The following RNFT2 variants were observed in gnomAD, a reference collection of about 807,000 sequenced individuals.
RNFT2 encodes the protein ring finger protein, transmembrane 2.
In RNFT2, 36 loss-of-function variants were observed where a neutral mutation model predicts 53.0. That is an observed-to-expected ratio of 0.68 (90% CI 0.52 to 0.90). The LOEUF (loss-of-function observed/expected upper bound fraction) is 0.90. Ranked by LOEUF, RNFT2 falls within the 40% of genes least tolerant of loss-of-function variation. RNFT2 has a pLI of 0.00. For synonymous variants in RNFT2, 260 were observed against 253.2 expected (o/e 1.03, Z -0.26); for missense variants, 514 against 585.6 (o/e 0.88, Z 1.26).
chr12:116,781,813 AC>A (rs1240630893), intron 7 of RNFT2, among the ~76,000 whole-genome samples: 1 of 152,018 alleles, frequency 6.6e-6, no homozygotes, highest in African/African-American at 2.4e-5. Flanking sequence ...ACGGTGGCTC[AC>A]GCCTGTAATC....
chr12:116,820,789 C>T (rs1220448821), intron 7 of RNFT2, among the ~76,000 whole-genome samples: 3 of 152,178 alleles, frequency 2.0e-5, no homozygotes, highest in Admixed American at 1.3e-4. Context: ...GCCTCTCTCT[C>T]CTCACCAGTT....
chr12:116,759,546 G>A (rs1442216624), intron 5 of RNFT2, among the ~76,000 whole-genome samples: 1 of 152,176 alleles, frequency 6.6e-6, no homozygotes, highest in Admixed American at 6.5e-5. Flanking sequence ...TTTGTCCCAG[G>A]GGGTTTTCCC....
chr12:116,792,797 A>G (rs1054830414), intron 7 of RNFT2, among the ~76,000 whole-genome samples: 10 of 152,168 alleles, frequency 6.6e-5, no homozygotes, highest in Non-Finnish European at 1.2e-4. Flanking sequence ...CATTTGTCAG[A>G]GACCCCTAAT....
intron 3 of RNFT2, among the ~76,000 whole-genome samples, chr12:116,747,844 T>G (rs1592935249): frequency 6.6e-6 from 1 of 152,026 alleles, no homozygotes; most frequent in South Asian, 2.1e-4. Flanking sequence ...TCGGCTCCGC[T>G]TGCATCTGTG....
In RNFT2 at chr12:116,805,272, T is replaced by C. The variant is rs563105658; in HGVS notation, c.882+25924T>C. Among the ~76,000 whole-genome samples, 12 of 152,168 alleles carry C rather than the reference T, an allele frequency of 7.9e-5. No homozygotes were observed. In the South Asian group the frequency reaches 2.3e-3, roughly 29 times the overall value. Reference sequence around the variant, plus strand: ...AGGTAATAGCGGGCAGTTCTCTCTTTTTCCTAATCTTGATGGGAGTGCCTC... The same window carrying C: ...AGGTAATAGCGGGCAGTTCTCTCTTCTTCCTAATCTTGATGGGAGTGCCTC... On this transcript the variant is annotated intron_variant, in intron 7 of 10. Transcript: ENST00000257575.
intron 10 of RNFT2, among the ~76,000 whole-genome samples, chr12:116,838,528 T>A (rs1565874974): frequency 1.3e-5 from 2 of 152,248 alleles, no homozygotes; most frequent in Admixed American, 1.3e-4. Context: ...CACAGCCGCT[T>A]GCTTCTTCCC....
intron 4 of RNFT2, among the ~76,000 whole-genome samples, chr12:116,752,771 G>A (rs1412212425): frequency 2.0e-5 from 3 of 152,080 alleles, no homozygotes; most frequent in African/African-American, 4.8e-5. Flanking sequence ...CCAGCTACTC[G>A]GGAGGCTGAG....
At chr12:116,768,982 C>T (rs12313074) in intron 6 of RNFT2, among the ~76,000 whole-genome samples, 115,646 of 151,982 alleles carry the variant, frequency 0.76, 46,605 homozygotes, top group Non-Finnish European at 0.9. Flanking sequence ...CTACCTGCCT[C>T]AACCTCCCAA....
At chr12:116,843,334 A>T (rs879437995) in intron 10 of RNFT2, among the ~76,000 whole-genome samples, 1 of 151,722 alleles carries the variant, frequency 6.6e-6, no homozygotes, top group Admixed American at 6.6e-5. Context: ...CTCTACAAAA[A>T]ATACAAAAAT....
chr12:116,811,628 G>C (rs1875383087), intron 7 of RNFT2, among the ~76,000 whole-genome samples: 1 of 152,162 alleles, frequency 6.6e-6, no homozygotes, highest in African/African-American at 2.4e-5. Flanking sequence ...TGCCCGCCTT[G>C]GCCTCCCAAA....
intron 3 of RNFT2, among the ~76,000 whole-genome samples, chr12:116,745,623 C>T (rs1010879162): frequency 6.6e-6 from 1 of 152,174 alleles, no homozygotes; most frequent in Non-Finnish European, 1.5e-5. Flanking sequence ...ACCACCGTGT[C>T]CCACTGCTGT....
At chr12:116,746,330 C>T (rs945314386) in intron 3 of RNFT2, among the ~76,000 whole-genome samples, 2 of 152,084 alleles carry the variant, frequency 1.3e-5, no homozygotes, top group Non-Finnish European at 2.9e-5. Flanking sequence ...CCAGTGGGGT[C>T]GGGGCACCTG....
intron 6 of RNFT2, among the ~76,000 whole-genome samples, chr12:116,778,946 G>T (rs887862286): frequency 6.6e-6 from 1 of 152,192 alleles, no homozygotes; most frequent in Non-Finnish European, 1.5e-5. Flanking sequence ...CTAAAACAAG[G>T]ACCTTAATGA....
intron 8 of RNFT2, 139 bp from the exon 9 acceptor site, chr12:116,835,821 A>C: frequency 2.6e-6 from 2 of 774,686 alleles, no homozygotes; most frequent in Non-Finnish European, 4.4e-6. Flanking sequence ...GGAAGGAAGA[A>C]GTGCAAATGA....
chr12:116,750,017 T>C lies in RNFT2; in HGVS notation c.260T>C (p.Val87Ala). ...VLGSSAGGGD[V>A]FIQMPASREE... ...GGCTCCTCGGCTGGCGGCGGGGACG[T>C]GTTCATCCAGATGCCCGCGTCCAGG... is the stretch of plus-strand genomic sequence containing the variant. The change falls in exon 4 of 11, where the codon GTG becomes GCG. Residue 87 changes from valine (V) to alanine (A), a missense_variant. Physicochemically the swap from Val to Ala is moderately conservative, Grantham distance 64. Around this residue, in one of 3 missense-constraint regions of RNFT2, gnomAD observed 237 missense variants for 235.1 expected, o/e 1.01. Transcript: ENST00000257575. The C allele has an allele frequency of 6.4e-7, 1 of 1,554,086 alleles. No homozygotes were observed. Among genetic ancestry groups the C allele is most frequent in the Non-Finnish European group, 8.7e-7 (1 of 1,149,362 alleles).
chr12:116,787,764 G>A (rs1251640497), intron 7 of RNFT2, among the ~76,000 whole-genome samples: 1 of 151,606 alleles, frequency 6.6e-6, no homozygotes, highest in African/African-American at 2.4e-5. Context: ...TGTATGAAGA[G>A]TTATCACCTA....
At chr12:116,766,143 A>G (rs1339964523) in intron 5 of RNFT2, among the ~76,000 whole-genome samples, 1 of 152,112 alleles carries the variant, frequency 6.6e-6, no homozygotes, top group East Asian at 1.9e-4. Flanking sequence ...TTAGCCAGGT[A>G]TAGTGACACC....
chr12:116,763,833 C>A (rs1872796952), intron 5 of RNFT2, among the ~76,000 whole-genome samples: 1 of 151,752 alleles, frequency 6.6e-6, no homozygotes, highest in Non-Finnish European at 1.5e-5. Context: ...ACCATTTGAT[C>A]CAGCAATCCT....
intron 2 of RNFT2, 67 bp downstream of exon 2, chr12:116,740,588 GT>G: frequency 6.7e-7 from 1 of 1,487,504 alleles, no homozygotes. Context: ...CTGGAAGGAA[GT>G]TTTGGTTTGA....
Sources: allele counts gnomAD v4.1 joint callset (sites outside exome capture counted in the v4.1 genomes callset), GRCh38; gene constraint gnomAD v4.1.1; regional missense constraint gnomAD v4.1.1; transcripts MANE v1.5; gene names NCBI Gene and HGNC (gene_info 2026-07-23, HGNC 2026-07-21).